SARNP: variants seen among roughly 807,000 people sequenced by gnomAD.
The protein encoded by SARNP is SAP domain-containing ribonucleoprotein.
SARNP carries 5 observed loss-of-function variants against 38.1 expected under a neutral mutation model. The ratio of observed to expected loss-of-function variants is 0.13; its 90% CI spans 0.07 to 0.28. SARNP has a LOEUF of 0.28. Among genes scored for constraint, SARNP ranks in the 10% least tolerant of loss-of-function variants. The probability of loss-of-function intolerance (pLI) is 1.00; values close to 1 mark genes in which losing one functional copy is unlikely to be tolerated. For missense variants in SARNP, 180 were observed against 243.9 expected (o/e 0.74, Z 1.75); for synonymous variants, 84 against 80.6 (o/e 1.04, Z -0.23).
chr12:55,761,318 G>C (rs1433363309), intron 9 of SARNP, among the ~76,000 whole-genome samples: 4 of 152,202 alleles, frequency 2.6e-5, no homozygotes, highest in African/African-American at 9.7e-5. Context: ...GTAACACCTA[G>C]TTAGAAGGTA....
intron 9 of SARNP, among the ~76,000 whole-genome samples, chr12:55,761,107 C>G (rs1592553393): frequency 6.6e-6 from 1 of 151,888 alleles, no homozygotes; most frequent in East Asian, 1.9e-4. Flanking sequence ...ACCTGGGAGG[C>G]AGAAGTTGCA....
chr12:55,807,110 G>A (rs1045945512), intron 1 of SARNP, among the ~76,000 whole-genome samples: 6 of 152,280 alleles, frequency 3.9e-5, no homozygotes, highest in Admixed American at 1.3e-4. Flanking sequence ...AAATAGGTAG[G>A]CTGATAAGGT....
At position 55,763,456 on chromosome 12, in the gene SARNP, C is replaced by T. The variant is rs927389644; in HGVS notation, c.502-2816G>A. Among the ~76,000 whole-genome samples, 15 of 152,118 alleles carry T rather than the reference C, an allele frequency of 9.9e-5. No homozygotes were observed. The East Asian group carries it at 1.2e-3, about 12-fold the overall frequency. On this transcript the variant is annotated intron_variant, in intron 9 of 10. Coordinates refer to ENST00000336133, the MANE Select transcript of SARNP (RefSeq NM_033082.4). ...CCTCCTGAGTAGCTGGGACTACATG[C>T]GCACGCCACCACACCTAATTTTTGT...
chr12:55,782,590 T>C (rs571872452), intron 9 of SARNP, among the ~76,000 whole-genome samples: 2 of 152,272 alleles, frequency 1.3e-5, no homozygotes, highest in East Asian at 3.9e-4. Context: ...TCTTTCTTTT[T>C]TAAAATTTTT....
chr12:55,784,671 T>A (rs1425070229), intron 9 of SARNP, among the ~76,000 whole-genome samples: 1 of 152,344 alleles, frequency 6.6e-6, no homozygotes, highest in Middle Eastern at 3.4e-3. Flanking sequence ...ATGAAAGCTG[T>A]GTGGGAGATA....
chr12:55,759,827 T>G (rs765828839), intron 10 of SARNP, among the ~76,000 whole-genome samples: 48 of 152,260 alleles, frequency 3.2e-4, no homozygotes, highest in Non-Finnish European at 6.3e-4. Context: ...AGCCTTGACC[T>G]CCTGGGCTTA....
chr12:55,797,765 C>G (rs774072339), intron 4 of SARNP, among the ~76,000 whole-genome samples: 1 of 152,180 alleles, frequency 6.6e-6, no homozygotes, highest in Non-Finnish European at 1.5e-5. Context: ...AATTTCCACT[C>G]TTCACTGAGA....
chr12:55,791,056 G>A (rs1292803868), intron 7 of SARNP, among the ~76,000 whole-genome samples: 1 of 152,160 alleles, frequency 6.6e-6, no homozygotes, highest in African/African-American at 2.4e-5. Flanking sequence ...AATGAACCTT[G>A]AAAACTATGC....
intron 4 of SARNP, among the ~76,000 whole-genome samples, chr12:55,797,617 T>A (rs1879857154): frequency 6.6e-6 from 1 of 152,238 alleles, no homozygotes; most frequent in Non-Finnish European, 1.5e-5. Context: ...ATTACCATTC[T>A]GAAGCACAGT....
At chr12:55,816,553 C>T (rs1880491604) in intron 1 of SARNP, among the ~76,000 whole-genome samples, 1 of 152,042 alleles carries the variant, frequency 6.6e-6, no homozygotes. Context: ...AAGAAGGGTC[C>T]TCTCCCTACC....
chr12:55,770,448 C>T (rs1479727465), intron 9 of SARNP, among the ~76,000 whole-genome samples: 2 of 150,860 alleles, frequency 1.3e-5, no homozygotes, highest in East Asian at 3.9e-4. Flanking sequence ...ACCGTGTTAG[C>T]CAGGATGGTC....
At chr12:55,767,488 G>C (rs1425562529) in intron 9 of SARNP, among the ~76,000 whole-genome samples, 1 of 152,172 alleles carries the variant, frequency 6.6e-6, no homozygotes, top group African/African-American at 2.4e-5. Context: ...GGTTGAGGCT[G>C]CAGTGGGCCA....
chr12:55,816,422 T>G (rs1880487071), intron 1 of SARNP, among the ~76,000 whole-genome samples: 1 of 152,066 alleles, frequency 6.6e-6, no homozygotes, highest in African/African-American at 2.4e-5. Context: ...CATTTCAGTA[T>G]CATCAAGTTA....
chr12:55,791,930 T>TA (rs919612476), intron 7 of SARNP, among the ~76,000 whole-genome samples: 2 of 152,206 alleles, frequency 1.3e-5, no homozygotes, highest in Non-Finnish European at 2.9e-5. Flanking sequence ...CTGTATTTTT[T>TA]ATCAGGTTCC....
At chr12:55,785,646 A>G (rs916170398) in intron 9 of SARNP, among the ~76,000 whole-genome samples, 2 of 151,830 alleles carry the variant, frequency 1.3e-5, no homozygotes, top group African/African-American at 4.8e-5. Context: ...ATGGTGGCGC[A>G]CTCCCATATT....
chr12:55,766,627 G>A (rs966939497), intron 9 of SARNP, among the ~76,000 whole-genome samples: 1 of 126,820 alleles, frequency 7.9e-6, no homozygotes, highest in East Asian at 2.6e-4. Context: ...GGGGGGGGGG[G>A]GGGGGTTGTT....
intron 9 of SARNP, among the ~76,000 whole-genome samples, chr12:55,780,009 G>A (rs773640582): frequency 7.2e-5 from 11 of 152,122 alleles, no homozygotes; most frequent in Non-Finnish European, 1.5e-4. Context: ...TTGACCGGGC[G>A]TGTTGGTCTG....
downstream of SARNP, chr12:55,755,962 C>T (rs1287517885): frequency 6.6e-6 from 1 of 151,990 alleles, no homozygotes; most frequent in Non-Finnish European, 1.5e-5. Context: ...CCAAAAGATC[C>T]ACTGTTCCAC....
chr12:55,776,991 G>C (rs1681084), intron 9 of SARNP, among the ~76,000 whole-genome samples: 1 of 152,140 alleles, frequency 6.6e-6, no homozygotes, highest in Non-Finnish European at 1.5e-5. Flanking sequence ...TGGCAAAGAC[G>C]AGCAGGGGGC....
Sources: gnomAD v4.1 joint callset for allele counts (sites outside exome capture counted in the v4.1 genomes callset) on GRCh38, gnomAD v4.1.1 for gene constraint, MANE v1.5 for transcripts, NCBI Gene and HGNC (gene_info 2026-07-23, HGNC 2026-07-21) for gene names.